RASSF2: variants seen among roughly 807,000 people sequenced by gnomAD.
RASSF2 encodes Ras association domain family member 2, also known as ras association domain-containing protein 2.
A neutral mutation model predicts 46.3 loss-of-function variants in RASSF2; 34 were observed. That is an observed-to-expected ratio of 0.73 (90% CI 0.56 to 0.98). The LOEUF (loss-of-function observed/expected upper bound fraction) is 0.98, where lower values mean the gene tolerates loss of function less well. Ranked by LOEUF, RASSF2 falls within the 50% of genes least tolerant of loss-of-function variation. The probability of loss-of-function intolerance (pLI) is 0.00; values close to 1 mark genes in which losing one functional copy is unlikely to be tolerated. For synonymous variants in RASSF2, 158 were observed against 162.5 expected (o/e 0.97, Z 0.21); for missense variants, 364 against 431.2 (o/e 0.84, Z 1.38).
In RASSF2 at chr20:4,815,453, C is replaced by T. The variant is rs181146720; in HGVS notation, c.-33+6876G>A. On this transcript the variant is annotated intron_variant, in intron 2 of 11. Coordinates refer to ENST00000379400, the MANE Select transcript of RASSF2 (RefSeq NM_014737.3). ...ACTCCACCAGTTAAAGTCCCCCCTGCACCCCATGCCACACTATGGACAAAA... is the reference window on the plus strand; with the variant it reads ...ACTCCACCAGTTAAAGTCCCCCCTGTACCCCATGCCACACTATGGACAAAA... 7.2e-5 allele frequency among the ~76,000 whole-genome samples: 11 copies of T among 152,298 alleles called. No individual in the cohort carries two copies. The East Asian group carries it at 2.1e-3, about 29-fold the overall frequency.
In RASSF2 at chr20:4,786,330, TAGAG is replaced by T; in HGVS notation, c.814-6_814-3del. ...CTCGAACTTTATATACTGGGCCACC[TAGAG>T]AGAAAGAAGCAAGTCTGGGTGAATG... On this transcript the variant is annotated splice_region_variant and splice_polypyrimidine_tract_variant and intron_variant, in intron 10 of 11. Coordinates refer to ENST00000379400, the MANE Select transcript of RASSF2 (RefSeq NM_014737.3). The T allele has an allele frequency of 6.3e-7, 1 of 1,595,734 alleles. No homozygotes were observed. The highest frequency in any genetic ancestry group is 8.6e-7 in the Non-Finnish European group (1 of 1,163,398).
chr20:4,784,909 G>C (rs1039767961), intron 11 of RASSF2, among the ~76,000 whole-genome samples: 2 of 152,180 alleles, frequency 1.3e-5, no homozygotes, highest in African/African-American at 4.8e-5. Context: ...ACTTCCCTGA[G>C]CCGTGGCACT....
At chr20:4,802,182 C>T (rs1926926489) in intron 2 of RASSF2, among the ~76,000 whole-genome samples, 1 of 152,056 alleles carries the variant, frequency 6.6e-6, no homozygotes, top group Non-Finnish European at 1.5e-5. Context: ...CTCGATCCCC[C>T]CGCCTCAGCC....
intron 6 of RASSF2, 73 bp downstream of exon 6, chr20:4,792,466 A>C: frequency 1.9e-6 from 3 of 1,587,780 alleles, no homozygotes; most frequent in Non-Finnish European, 2.6e-6. Flanking sequence ...AATAAATAAC[A>C]GTTTACAACA....
chr20:4,786,414 A>G lies in RASSF2; in HGVS notation c.814-86T>C, dbSNP rs1925344383. 5.3e-6 allele frequency: 6 copies of G among 1,129,192 alleles called. No individual in the cohort carries two copies. The East Asian group carries it at 1.2e-4, about 22-fold the overall frequency. The allele number at this position is 1,129,192 out of a possible 1,614,324, so 69.9% of individuals were successfully genotyped here. ...AGGGTTGTCCTTATACAAGGCACAA[A>G]GCCTTGGGAAGTCTATTTTTTTCAG... On this transcript the variant is annotated intron_variant, in intron 10 of 11. Coordinates refer to ENST00000379400, the MANE Select transcript of RASSF2 (RefSeq NM_014737.3).
intron 5 of RASSF2, among the ~76,000 whole-genome samples, chr20:4,794,522 G>A (rs1384048433): frequency 1.3e-5 from 2 of 151,800 alleles, no homozygotes; most frequent in Non-Finnish European, 2.9e-5. Flanking sequence ...AGCCGAGATC[G>A]CATCACTGCA....
chr20:4,807,514 G>C (rs1927434947), intron 2 of RASSF2, among the ~76,000 whole-genome samples: 1 of 152,182 alleles, frequency 6.6e-6, no homozygotes, highest in Admixed American at 6.5e-5. Flanking sequence ...GTAGTTCATG[G>C]AAAACTCAAT....
intron 2 of RASSF2, among the ~76,000 whole-genome samples, chr20:4,802,612 T>C (rs905517014): frequency 5.3e-5 from 8 of 151,846 alleles, no homozygotes; most frequent in Admixed American, 3.9e-4. Context: ...GTACCTAGAG[T>C]AGTCAAAATC....
intron 3 of RASSF2, among the ~76,000 whole-genome samples, chr20:4,800,039 G>A (rs1259536213): frequency 6.6e-6 from 1 of 152,088 alleles, no homozygotes; most frequent in African/African-American, 2.4e-5. Context: ...TTGAACCCAG[G>A]AGGCAGAGGT....
intron 10 of RASSF2, among the ~76,000 whole-genome samples, chr20:4,786,747 A>C (rs932520357): frequency 1.3e-5 from 2 of 152,172 alleles, no homozygotes; most frequent in African/African-American, 4.8e-5. Context: ...CCAAATATGA[A>C]CTCGCTTTGG....
Position 4,795,773 on chromosome 20 carries a change from A to C in RASSF2, c.287+42T>G, listed in dbSNP as rs780530203. On this transcript the variant is annotated intron_variant, in intron 5 of 11. Transcript: ENST00000379400. This position sits in a 1 kb window ranked among gnomAD's most constrained non-coding sequence, Gnocchi z 4.0. ...CTGCTTGAGAACACATAGAACACCC[A>C]AGCATCCCAGTCATCTCCCTGCCCC... is the stretch of plus-strand genomic sequence containing the variant. 80 of 1,579,130 alleles carry C rather than the reference A, an allele frequency of 5.1e-5. No individual in the cohort carries two copies. The highest frequency in any genetic ancestry group is 5.2e-6 in the Non-Finnish European group (6 of 1,160,612).
chr20:4,800,878 G>T, intron 3 of RASSF2, 94 bp downstream of exon 3: 1 of 1,047,270 alleles, frequency 9.5e-7, no homozygotes, highest in Non-Finnish European at 1.5e-6. Flanking sequence ...CTGATATACA[G>T]TGGGGGGCCC....
chr20:4,800,245 T>A (rs1926746520), intron 3 of RASSF2, among the ~76,000 whole-genome samples: 1 of 152,158 alleles, frequency 6.6e-6, no homozygotes, highest in African/African-American at 2.4e-5. Context: ...AATTAAATTG[T>A]CCCCTTCTAT....
rs1379138720 is a variant in RASSF2, at chr20:4,814,342, C to T, written c.-33+7987G>A. ...CTACAAGCTCAGATTTCTTTGGTATCGACACTTCCTGTTTACTGAGTGGTT... is the reference window on the plus strand; with the variant it reads ...CTACAAGCTCAGATTTCTTTGGTATTGACACTTCCTGTTTACTGAGTGGTT... On this transcript the variant is annotated intron_variant, in intron 2 of 11. Coordinates refer to ENST00000379400, the MANE Select transcript of RASSF2 (RefSeq NM_014737.3). Among the ~76,000 whole-genome samples, 3 of 152,148 alleles carry T rather than the reference C, an allele frequency of 2.0e-5. No homozygotes were observed. In the East Asian group the frequency reaches 5.8e-4, roughly 29 times the overall value.
chr20:4,797,907 G>A lies in RASSF2; in HGVS notation c.135+103C>T. ...TCACTAGCAACCTAAATAAGAAGCA[G>A]GAGAGGCAGGGTTCTCTTGGGACCT... is the stretch of plus-strand genomic sequence containing the variant. On this transcript the variant is annotated intron_variant, in intron 4 of 11. Coordinates refer to ENST00000379400, the MANE Select transcript of RASSF2 (RefSeq NM_014737.3). The A allele has an allele frequency of 5.9e-6, 9 of 1,525,754 alleles. No individual in the cohort carries two copies. The Middle Eastern group carries it at 7.3e-4, about 124-fold the overall frequency. 94.5% of individuals were successfully genotyped at this position (1,525,754 alleles called of 1,614,324 possible).
intron 2 of RASSF2, among the ~76,000 whole-genome samples, chr20:4,809,782 G>A (rs1048532593): frequency 6.6e-6 from 1 of 152,206 alleles, no homozygotes; most frequent in African/African-American, 2.4e-5. Flanking sequence ...AGTGGGAGGA[G>A]CTAGGAATGA....
At position 4,784,258 on chromosome 20, in the gene RASSF2, C is replaced by T. The variant is rs201312603; in HGVS notation, c.*15G>A. ...GGCGGTTCCTGGGGTGCCCAGATCCCCTCGTTCTCATGGCTCAGATTGTTG... is the reference window on the plus strand; with the variant it reads ...GGCGGTTCCTGGGGTGCCCAGATCCTCTCGTTCTCATGGCTCAGATTGTTG... On this transcript the variant is annotated 3_prime_UTR_variant, in exon 12 of 12. Transcript: ENST00000379400. 30 of 1,610,926 alleles carry T rather than the reference C, an allele frequency of 1.9e-5. No homozygotes were observed. Among genetic ancestry groups the T allele is most frequent in the Non-Finnish European group, 2.4e-5 (28 of 1,177,254 alleles).
chr20:4,813,150 C>G (rs1437154446), intron 2 of RASSF2, among the ~76,000 whole-genome samples: 2 of 152,142 alleles, frequency 1.3e-5, no homozygotes, highest in Non-Finnish European at 2.9e-5. Flanking sequence ...CATCCCCACC[C>G]CATTCCCAGA....
In RASSF2 at chr20:4,781,022, C is replaced by T. The variant is rs1266319172; in HGVS notation, c.*3251G>A. The T allele has an allele frequency of 2.0e-5, 3 of 151,640 alleles. No homozygotes were observed. Among genetic ancestry groups the T allele is most frequent in the Non-Finnish European group, 2.9e-5 (2 of 67,942 alleles). 9.4% of individuals were successfully genotyped at this position (151,640 alleles called of 1,614,324 possible). On this transcript the variant is annotated 3_prime_UTR_variant, in exon 12 of 12. Coordinates refer to ENST00000379400, the MANE Select transcript of RASSF2 (RefSeq NM_014737.3). The stretch of plus-strand genomic sequence containing the variant: ...TCTCTCGGCGATGTATCTGTGACAC[C>T]ACATTCTCTGTGCTACAGAGCTTTG...
Sources: allele counts gnomAD v4.1 joint callset (sites outside exome capture counted in the v4.1 genomes callset), GRCh38; gene constraint gnomAD v4.1.1; non-coding constraint Gnocchi (gnomAD v3.1); transcripts MANE v1.5; gene names NCBI Gene and HGNC (gene_info 2026-07-23, HGNC 2026-07-21).